Variants in BZW2 observed in about 807,000 individuals in gnomAD.
BZW2 encodes eIF5-mimic protein 1.
A neutral mutation model predicts 53.2 loss-of-function variants in BZW2; 23 were observed. That is an observed-to-expected ratio of 0.43 (90% CI 0.31 to 0.61). The LOEUF (loss-of-function observed/expected upper bound fraction) is 0.61, where lower values mean the gene tolerates loss of function less well. Among genes scored for constraint, BZW2 ranks in the 20% least tolerant of loss-of-function variants. BZW2 has a pLI of 0.09. For synonymous variants in BZW2, 227 were observed against 186.4 expected (o/e 1.22, Z -1.77); for missense variants, 409 against 503.1 (o/e 0.81, Z 1.79).
At chr7:16,697,307 TC>T (rs1783530279) in intron 9 of BZW2, among the ~76,000 whole-genome samples, 1 of 152,100 alleles carries the variant, frequency 6.6e-6, no homozygotes, top group Non-Finnish European at 1.5e-5. Flanking sequence ...CCCAGGCTGG[TC>T]TTGAACTCCT....
chr7:16,705,174 T>A lies in BZW2; in HGVS notation c.1231+505T>A, dbSNP rs1241420194. On this transcript the variant is annotated intron_variant, in intron 11 of 11. Transcript: ENST00000258761. The stretch of plus-strand genomic sequence containing the variant: ...GAGTTTGAGAGCAGGCTGGCCAACA[T>A]AGTGAAACCCTGTCTCTATTAAAAA... Among the ~76,000 whole-genome samples, 3 of 150,560 alleles carry A rather than the reference T, an allele frequency of 2.0e-5. No individual in the cohort carries two copies. The East Asian group carries it at 6.0e-4, about 30-fold the overall frequency.
chr7:16,666,979 G>A (rs1017037607), intron 2 of BZW2, among the ~76,000 whole-genome samples: 1 of 150,298 alleles, frequency 6.7e-6, no homozygotes, highest in African/African-American at 2.4e-5. Flanking sequence ...GGTCCTCTTG[G>A]ATGTAAGAAT....
At chr7:16,661,760 ATAT>A (rs1782269419) in intron 1 of BZW2, among the ~76,000 whole-genome samples, 1 of 152,038 alleles carries the variant, frequency 6.6e-6, no homozygotes, top group Non-Finnish European at 1.5e-5. Flanking sequence ...TACAATTTTA[ATAT>A]TATTTTAAAC....
At chr7:16,659,668 A>G (rs1395543224) in intron 1 of BZW2, among the ~76,000 whole-genome samples, 1 of 152,086 alleles carries the variant, frequency 6.6e-6, no homozygotes, top group Non-Finnish European at 1.5e-5. Context: ...AATTTTACTC[A>G]TTTAAAATAT....
At chr7:16,697,172 T>C in intron 9 of BZW2, 111 bp downstream of exon 9, 1 of 1,297,174 alleles carries the variant, frequency 7.7e-7, no homozygotes, top group Non-Finnish European at 1.0e-6. Flanking sequence ...TCACTGCAAC[T>C]TTGAACTCCT....
intron 1 of BZW2, among the ~76,000 whole-genome samples, chr7:16,664,966 A>G (rs7786773): frequency 0.19 from 28,856 of 152,130 alleles, 6,317 homozygotes; most frequent in African/African-American, 0.54. Flanking sequence ...ACTGAGTATT[A>G]GTAAACTTTA....
At chr7:16,680,172 A>T (rs1162621819) in intron 3 of BZW2, among the ~76,000 whole-genome samples, 1 of 152,168 alleles carries the variant, frequency 6.6e-6, no homozygotes, top group Non-Finnish European at 1.5e-5. Flanking sequence ...GAAGGCAAAA[A>T]GATTCTATGA....
chr7:16,704,590 A>G lies in BZW2; in HGVS notation c.1152A>G (p.Glu384=), dbSNP rs376440044. The G allele has an allele frequency of 2.1e-5, 33 of 1,595,140 alleles. No individual in the cohort carries two copies. The highest frequency in any genetic ancestry group is 2.8e-5 in the Non-Finnish European group (33 of 1,165,250). Residue 384 remains glutamate, a synonymous_variant, in exon 11 of 12, where the codon GAA becomes GAG. Transcript: ENST00000258761. ...AAGCAATACTGAAATGGTATAAGGAAGCACATGTTGCTAAAGGCAAAAGTG... is the reference window on the plus strand; with the variant it reads ...AAGCAATACTGAAATGGTATAAGGAGGCACATGTTGCTAAAGGCAAAAGTG... The part of the protein sequence containing the change: ...SEEAILKWYK[E]AHVAKGKSVF...
chr7:16,695,125 C>T (rs1562495981), intron 8 of BZW2, 121 bp downstream of exon 8: 2 of 884,450 alleles, frequency 2.3e-6, no homozygotes, highest in Non-Finnish European at 3.1e-6. Flanking sequence ...ACTTTGTCCA[C>T]TTATTCCTAC....
At chr7:16,700,209 G>A (rs954592560) in intron 10 of BZW2, among the ~76,000 whole-genome samples, 1 of 152,148 alleles carries the variant, frequency 6.6e-6, no homozygotes, top group Non-Finnish European at 1.5e-5. Context: ...TCCACAGAAT[G>A]ATATATATAG....
intron 1 of BZW2, among the ~76,000 whole-genome samples, chr7:16,651,634 T>C (rs772914887): frequency 3.9e-5 from 6 of 152,174 alleles, no homozygotes; most frequent in Non-Finnish European, 7.4e-5. Flanking sequence ...TGTGTTTGTG[T>C]TAGAGTTGAG....
chr7:16,671,210 CCTT>C (rs1782587378), intron 2 of BZW2, among the ~76,000 whole-genome samples: 1 of 152,032 alleles, frequency 6.6e-6, no homozygotes, highest in Non-Finnish European at 1.5e-5. Context: ...TACTTCCTGT[CCTT>C]CTCTATTCTT....
chr7:16,697,389 C>A (rs953955592), intron 9 of BZW2, among the ~76,000 whole-genome samples: 3 of 152,156 alleles, frequency 2.0e-5, no homozygotes, highest in African/African-American at 4.8e-5. Flanking sequence ...CACGCCGGGC[C>A]CAAATTTGTC....
intron 2 of BZW2, 107 bp from the exon 3 acceptor site, chr7:16,674,305 T>TG (rs1200866070): frequency 1.3e-6 from 1 of 792,570 alleles, no homozygotes; most frequent in African/African-American, 2.9e-5. Flanking sequence ...CGATGCTCTG[T>TG]GGATTTTTTT....
At chr7:16,659,934 T>G (rs1290293531) in intron 1 of BZW2, among the ~76,000 whole-genome samples, 1 of 152,082 alleles carries the variant, frequency 6.6e-6, no homozygotes, top group Non-Finnish European at 1.5e-5. Context: ...AGGTGCCATG[T>G]TGGTGTGCTG....
intron 1 of BZW2, among the ~76,000 whole-genome samples, chr7:16,657,513 T>G (rs1782151810): frequency 6.6e-6 from 1 of 152,168 alleles, no homozygotes; most frequent in Non-Finnish European, 1.5e-5. Flanking sequence ...CTTTTTCTGC[T>G]CTCTTTAAAA....
At chr7:16,673,781 A>G (rs2128358221) in intron 2 of BZW2, among the ~76,000 whole-genome samples, 1 of 152,266 alleles carries the variant, frequency 6.6e-6, no homozygotes, top group East Asian at 1.9e-4. Context: ...TGTACATTTT[A>G]AGTGTCAAGA....
intron 2 of BZW2, among the ~76,000 whole-genome samples, chr7:16,672,999 G>C (rs546795366): frequency 7.6e-4 from 115 of 151,806 alleles, no homozygotes; most frequent in South Asian, 4.2e-3. Context: ...AGGCTGGAGT[G>C]CAATGGCGCG....
intron 7 of BZW2, 35 bp from the exon 8 acceptor site, chr7:16,694,799 G>C (rs1419237687): frequency 6.9e-7 from 1 of 1,448,148 alleles, no homozygotes; most frequent in African/African-American, 1.4e-5. Flanking sequence ...AATTTGAATG[G>C]CTTGTTTTAT....
Sources: gnomAD v4.1 joint callset for allele counts (sites outside exome capture counted in the v4.1 genomes callset) on GRCh38, gnomAD v4.1.1 for gene constraint, MANE v1.5 for transcripts, NCBI Gene and HGNC (gene_info 2026-07-23, HGNC 2026-07-21) for gene names.